Variants in LRRFIP2 observed in about 807,000 individuals in gnomAD.
LRRFIP2 encodes the protein LRR binding FLII interacting protein 2.
Under a neutral mutation model 125.9 loss-of-function variants are expected in LRRFIP2, and 109 were observed. That is an observed-to-expected ratio of 0.87 (90% CI 0.74 to 1.01). The LOEUF (loss-of-function observed/expected upper bound fraction) is 1.01, where lower values mean the gene tolerates loss of function less well. LRRFIP2 is among the 50% of genes least tolerant of loss of function. The pLI, the probability that LRRFIP2 is intolerant of heterozygous loss-of-function variation, is 0.00. For missense variants in LRRFIP2, 850 were observed against 862.3 expected, an observed-to-expected ratio of 0.99 and a Z score of 0.18; for synonymous variants, 291 against 293.1, an observed-to-expected ratio of 0.99 and a Z score of 0.07.
rs540917796 is a variant in LRRFIP2, at chr3:37,168,079, G to A, written c.-56+6460C>T. Among the ~76,000 whole-genome samples the A allele has an allele frequency of 3.1e-4, 47 of 152,260 alleles. 2 individuals carry two copies. In the East Asian group the frequency reaches 5.6e-3, roughly 18 times the overall value. On this transcript the variant is annotated intron_variant, in intron 1 of 27. Coordinates refer to ENST00000336686, the MANE Select transcript of LRRFIP2 (RefSeq NM_006309.4). ...TGCATTGCTGGTGGTAATGTAAAAT[G>A]GTATAGCCACTGTGGAAAATAGTAT...
chr3:37,173,413 C>T (rs922593096), intron 1 of LRRFIP2, among the ~76,000 whole-genome samples: 2 of 152,164 alleles, frequency 1.3e-5, no homozygotes, highest in African/African-American at 4.8e-5. Context: ...TGGTCTTAAA[C>T]TCCTGGGCTC....
chr3:37,095,039 A>G, intron 16 of LRRFIP2, 131 bp from the exon 17 acceptor site: 1 of 658,772 alleles, frequency 1.5e-6, no homozygotes, highest in East Asian at 2.7e-5. Flanking sequence ...TGTGTAATCA[A>G]TGGTCAATTT....
At position 37,091,383 on chromosome 3, in the gene LRRFIP2, G is replaced by C; in HGVS notation, c.1107+84C>G. On this transcript the variant is annotated intron_variant, in intron 18 of 27. Coordinates refer to ENST00000336686, the MANE Select transcript of LRRFIP2 (RefSeq NM_006309.4). ...AACACTGTTAGTAAAGCTATGTGCA[G>C]TTGGTTAACAGAACTTGCAAAGCCA... 15 of 1,014,514 alleles carry C rather than the reference G, an allele frequency of 1.5e-5. No homozygotes were observed. The South Asian group carries it at 2.5e-4, about 17-fold the overall frequency. 62.8% of individuals were successfully genotyped at this position (1,014,514 alleles called of 1,614,324 possible). A position where few individuals can be genotyped will look rare whatever the true frequency, so the allele number is the denominator to read the frequency against.
chr3:37,054,813 TAC>T (rs1397183308), intron 26 of LRRFIP2, among the ~76,000 whole-genome samples: 2 of 152,254 alleles, frequency 1.3e-5, no homozygotes, highest in Non-Finnish European at 1.5e-5. Context: ...GAAAAGTTCT[TAC>T]ACTTTTTGGA....
intron 17 of LRRFIP2, 105 bp downstream of exon 17, chr3:37,094,687 A>C: frequency 1.4e-6 from 1 of 723,588 alleles, no homozygotes. Context: ...TTAAAAAGAA[A>C]TCATATTCCT....
chr3:37,094,758 G>C (rs769200013), intron 17 of LRRFIP2, 34 bp downstream of exon 17: 1 of 1,408,794 alleles, frequency 7.1e-7, no homozygotes, highest in African/African-American at 1.4e-5. Context: ...TCAAAAAACT[G>C]CTTTTAAAAA....
At chr3:37,138,114 T>C (rs898907070) in intron 2 of LRRFIP2, among the ~76,000 whole-genome samples, 1 of 152,204 alleles carries the variant, frequency 6.6e-6, no homozygotes, top group African/African-American at 2.4e-5. Context: ...GCAATTTACC[T>C]GAAACAAGGA....
intron 5 of LRRFIP2, 46 bp downstream of exon 5, chr3:37,121,589 C>G: frequency 2.5e-6 from 4 of 1,613,026 alleles, no homozygotes; most frequent in Non-Finnish European, 2.5e-6. Context: ...TTACATTAAG[C>G]TAATGAGGAA....
At chr3:37,171,343 GGCAA>G (rs2096584509) in intron 1 of LRRFIP2, among the ~76,000 whole-genome samples, 1 of 152,128 alleles carries the variant, frequency 6.6e-6, no homozygotes, top group African/African-American at 2.4e-5. Context: ...GGTTCTGTCA[GGCAA>G]GCTTTGACAA....
At chr3:37,146,320 A>C (rs2095854955) in intron 2 of LRRFIP2, among the ~76,000 whole-genome samples, 1 of 152,230 alleles carries the variant, frequency 6.6e-6, no homozygotes, top group African/African-American at 2.4e-5. Context: ...ACTGATTTTT[A>C]AGTTCTGGGA....
intron 1 of LRRFIP2, among the ~76,000 whole-genome samples, chr3:37,159,131 G>A (rs2096271682): frequency 6.6e-6 from 1 of 151,868 alleles, no homozygotes; most frequent in African/African-American, 2.4e-5. Context: ...TTATATTTAG[G>A]TCCATGATCC....
rs2092824456 is a variant in LRRFIP2 at position 37,083,792 on chromosome 3, T to C, written c.1122A>G (p.Glu374=). Residue 374 remains glutamate, a synonymous_variant, in exon 19 of 28, where the codon GAA becomes GAG. Coordinates refer to ENST00000336686, the MANE Select transcript of LRRFIP2 (RefSeq NM_006309.4). ...TGGCTTTCTTGTATTTTTCTTCCAC[T>C]TCAGACAAAGATTCCTAAATGAGAG... ...GLKELKESLS[E]VEEKYKKAMV... The C allele has an allele frequency of 1.3e-6, 2 of 1,588,768 alleles. No individual in the cohort carries two copies. Among genetic ancestry groups the C allele is most frequent in the Non-Finnish European group, 8.5e-7 (1 of 1,172,500 alleles).
intron 24 of LRRFIP2, among the ~76,000 whole-genome samples, chr3:37,061,686 C>A (rs1391387112): frequency 6.6e-6 from 1 of 152,096 alleles, no homozygotes; most frequent in Non-Finnish European, 1.5e-5. Context: ...TGTGCCCAGT[C>A]AAACATCTTT....
intron 2 of LRRFIP2, among the ~76,000 whole-genome samples, chr3:37,141,424 T>C (rs542609256): frequency 1.3e-5 from 2 of 152,334 alleles, no homozygotes; most frequent in South Asian, 4.1e-4. Context: ...TCTGGCAGTT[T>C]CCCACCATAG....
rs114903240 is a variant in LRRFIP2 at position 37,117,798 on chromosome 3, C to T, written c.331-2703G>A. 2.8e-3 allele frequency among the ~76,000 whole-genome samples: 423 copies of T among 152,266 alleles called. 3 individuals are homozygous for T. Among genetic ancestry groups the T allele is most frequent in the African/African-American group, 9.8e-3 (406 of 41,550 alleles). On this transcript the variant is annotated intron_variant, in intron 6 of 27. Transcript: ENST00000336686. ...GGACACTGAAAGTCAAAAGTGAATGCATAACACTAATACCACACATTTTCC... is the reference window on the plus strand; with the variant it reads ...GGACACTGAAAGTCAAAAGTGAATGTATAACACTAATACCACACATTTTCC...
At chr3:37,062,802 A>T (rs2089155923) in intron 24 of LRRFIP2, among the ~76,000 whole-genome samples, 1 of 152,198 alleles carries the variant, frequency 6.6e-6, no homozygotes, top group African/African-American at 2.4e-5. Flanking sequence ...TGAAAAATTA[A>T]CAATCCACAA....
chr3:37,063,339 A>G (rs979411854), intron 24 of LRRFIP2, among the ~76,000 whole-genome samples: 4 of 152,226 alleles, frequency 2.6e-5, no homozygotes, highest in Non-Finnish European at 5.9e-5. Context: ...CTAAATCCTC[A>G]TCTTCCATAA....
At chr3:37,161,640 T>C (rs1295192871) in intron 1 of LRRFIP2, among the ~76,000 whole-genome samples, 3 of 152,090 alleles carry the variant, frequency 2.0e-5, no homozygotes, top group Admixed American at 6.6e-5. Flanking sequence ...GGCTGATGGC[T>C]GCACAACTTT....
At chr3:37,080,855 G>C (rs1251679271) in intron 19 of LRRFIP2, among the ~76,000 whole-genome samples, 1 of 152,028 alleles carries the variant, frequency 6.6e-6, no homozygotes, top group Non-Finnish European at 1.5e-5. Flanking sequence ...CCTGGATCCC[G>C]ATTTTTTTAA....
Sources: gnomAD v4.1 joint callset for allele counts (sites outside exome capture counted in the v4.1 genomes callset) on GRCh38, gnomAD v4.1.1 for gene constraint, MANE v1.5 for transcripts, NCBI Gene and HGNC (gene_info 2026-07-23, HGNC 2026-07-21) for gene names.